The following HSDL2 variants were observed in gnomAD, a reference collection of about 807,000 sequenced individuals.
The protein encoded by HSDL2 is hydroxysteroid dehydrogenase like 2.
In HSDL2, 27 loss-of-function variants were observed where a neutral mutation model predicts 46.3. That is an observed-to-expected ratio of 0.58 (90% CI 0.43 to 0.80). The LOEUF (loss-of-function observed/expected upper bound fraction) is 0.80, where lower values mean the gene tolerates loss of function less well. HSDL2 is among the 30% of genes least tolerant of loss of function. The probability of loss-of-function intolerance (pLI) is 0.00; values close to 1 mark genes in which losing one functional copy is unlikely to be tolerated. For synonymous variants in HSDL2, 153 were observed against 163.6 expected (o/e 0.94, Z 0.50); for missense variants, 451 against 502.7 (o/e 0.90, Z 0.98).
intron 1 of HSDL2, among the ~76,000 whole-genome samples, chr9:112,382,771 CTG>C (rs1465383150): frequency 1.3e-5 from 2 of 152,160 alleles, no homozygotes; most frequent in Non-Finnish European, 2.9e-5. Flanking sequence ...TCTGAGGGCT[CTG>C]TGTATTTTAA....
chr9:112,389,798 C>T (rs1444982235), intron 1 of HSDL2, among the ~76,000 whole-genome samples: 2 of 152,148 alleles, frequency 1.3e-5, no homozygotes, highest in African/African-American at 4.8e-5. Flanking sequence ...GGCGTGGTGG[C>T]TTATGCCTGT....
At chr9:112,394,635 C>T (rs1239324077) in intron 1 of HSDL2, among the ~76,000 whole-genome samples, 1 of 152,106 alleles carries the variant, frequency 6.6e-6, no homozygotes, top group Non-Finnish European at 1.5e-5. Flanking sequence ...TCCTATTACT[C>T]CCCCTTTCAT....
At chr9:112,386,644 C>T (rs948924023) in intron 1 of HSDL2, among the ~76,000 whole-genome samples, 1 of 149,852 alleles carries the variant, frequency 6.7e-6, no homozygotes, top group Non-Finnish European at 1.5e-5. Context: ...ATTAACCAAG[C>T]GTGGTGATGC....
Position 112,405,657 on chromosome 9 carries a change from T to C in HSDL2, c.215T>C (p.Ile72Thr), listed in dbSNP as rs1409677708. Residue 72 changes from isoleucine (I) to threonine (T), a missense_variant, in exon 3 of 11, where the codon ATT becomes ACT. Ile to Thr is a moderately conservative substitution (Grantham distance 89). Transcript: ENST00000398805. The part of the protein sequence containing the change: ...EAVGGKALPC[I>T]VDVRDEQQIS... ...GTTGGAGGAAAGGCCTTGCCATGTA[T>C]TGTTGATGTGAGAGATGAACAGCAG... is the stretch of plus-strand genomic sequence containing the variant. 8.7e-6 allele frequency: 14 copies of C among 1,613,556 alleles called. No homozygotes were observed. Among genetic ancestry groups the C allele is most frequent in the Non-Finnish European group, 1.0e-5 (12 of 1,179,652 alleles).
At chr9:112,450,626 C>CAAAAAAAAA (rs56114018) in intron 8 of HSDL2, among the ~76,000 whole-genome samples, 1 of 120,702 alleles carries the variant, frequency 8.3e-6, no homozygotes, top group Non-Finnish European at 1.7e-5. Flanking sequence ...AAGACTGCCT[C>CAAAAAAAAA]AAAAAAAAAA....
chr9:112,439,000 T>C (rs1255596108), intron 7 of HSDL2, among the ~76,000 whole-genome samples: 2 of 152,170 alleles, frequency 1.3e-5, no homozygotes, highest in Non-Finnish European at 2.9e-5. Context: ...TAGTGGGTTA[T>C]GTATTTATTT....
In HSDL2 at chr9:112,403,983, G is replaced by T; in HGVS notation, c.18-12G>T. The T allele has an allele frequency of 6.2e-7, 1 of 1,611,956 alleles. No individual in the cohort carries two copies. Among genetic ancestry groups the T allele is most frequent in the Non-Finnish European group, 8.5e-7 (1 of 1,178,782 alleles). ...TGGGTCTTCTAATAAGGTCGTATTT[G>T]TTCTGTTGTAGGAGGCTGGCAGGAT... On this transcript the variant is annotated splice_polypyrimidine_tract_variant and intron_variant, in intron 1 of 10. Coordinates refer to ENST00000398805, the MANE Select transcript of HSDL2 (RefSeq NM_032303.5).
chr9:112,427,642 A>AT (rs1056770941), intron 6 of HSDL2, among the ~76,000 whole-genome samples: 2 of 151,796 alleles, frequency 1.3e-5, no homozygotes, highest in Admixed American at 1.3e-4. Flanking sequence ...AGTTACACTC[A>AT]TTTTTTTTCT....
intron 1 of HSDL2, among the ~76,000 whole-genome samples, chr9:112,399,802 C>T (rs567767014): frequency 6.6e-6 from 1 of 152,296 alleles, no homozygotes; most frequent in Non-Finnish European, 1.5e-5. Context: ...GTTGTCTTCC[C>T]TTGTTCCCTA....
intron 10 of HSDL2, among the ~76,000 whole-genome samples, chr9:112,466,735 T>G (rs1007629039): frequency 6.6e-6 from 1 of 152,212 alleles, no homozygotes; most frequent in African/African-American, 2.4e-5. Context: ...CAGTGTCATA[T>G]ATAAGAATCC....
intron 1 of HSDL2, among the ~76,000 whole-genome samples, chr9:112,389,297 T>G (rs1320169189): frequency 6.6e-6 from 1 of 152,132 alleles, no homozygotes; most frequent in African/African-American, 2.4e-5. Context: ...GCTGGGATTA[T>G]AGGCATGAGC....
intron 1 of HSDL2, among the ~76,000 whole-genome samples, chr9:112,391,179 AAT>A (rs1564102607): frequency 1.8e-5 from 2 of 109,416 alleles, no homozygotes; most frequent in Non-Finnish European, 4.2e-5. Context: ...CCATCTCAAA[AAT>A]AATAATAATA....
chr9:112,444,517 C>T (rs1053383670), intron 8 of HSDL2, among the ~76,000 whole-genome samples: 1 of 151,966 alleles, frequency 6.6e-6, no homozygotes, highest in Non-Finnish European at 1.5e-5. Context: ...GTGGGAGGAT[C>T]GCTTGAGCCC....
chr9:112,466,583 A>G (rs183925919), intron 10 of HSDL2, among the ~76,000 whole-genome samples: 1 of 151,318 alleles, frequency 6.6e-6, no homozygotes, highest in Non-Finnish European at 1.5e-5. Context: ...ATTTTCAGTT[A>G]GTTATGTTTC....
Position 112,470,458 on chromosome 9 carries a change from A to C in HSDL2, c.1171A>C (p.Met391Leu), listed in dbSNP as rs765038880. ...SGKLKPTMAF[M>L]SGKLKIKGNM... is the part of the protein sequence containing the mutation. ...GAAACTAAAACCAACAATGGCATTCATGTCAGGGAAATTGAAGATTAAAGG... is the reference window on the plus strand; with the variant it reads ...GAAACTAAAACCAACAATGGCATTCCTGTCAGGGAAATTGAAGATTAAAGG... Residue 391 changes from methionine (M) to leucine (L), a missense_variant, in exon 11 of 11, where the codon ATG (methionine) becomes CTG (leucine). Coordinates refer to ENST00000398805, the MANE Select transcript of HSDL2 (RefSeq NM_032303.5). 6.2e-7 allele frequency: 1 copy of C among 1,611,020 alleles called. No individual in the cohort carries two copies. The highest frequency in any genetic ancestry group is 1.1e-5 in the South Asian group (1 of 90,452).
At chr9:112,449,998 A>G (rs1053747410) in intron 8 of HSDL2, among the ~76,000 whole-genome samples, 5 of 152,072 alleles carry the variant, frequency 3.3e-5, no homozygotes, top group African/African-American at 1.2e-4. Flanking sequence ...TTGGGCTAAT[A>G]CTTTATTGTT....
chr9:112,443,639 A>G (rs1832690658), intron 8 of HSDL2, among the ~76,000 whole-genome samples: 1 of 152,224 alleles, frequency 6.6e-6, no homozygotes, highest in Non-Finnish European at 1.5e-5. Flanking sequence ...CTGAAGCAGG[A>G]GGATCCCTTG....
intron 6 of HSDL2, among the ~76,000 whole-genome samples, chr9:112,431,291 T>G (rs1832390707): frequency 6.6e-6 from 1 of 151,958 alleles, no homozygotes; most frequent in Non-Finnish European, 1.5e-5. Flanking sequence ...AATCTGTGGG[T>G]TATCAGCATA....
At chr9:112,428,408 AAG>A (rs1210435149) in intron 6 of HSDL2, among the ~76,000 whole-genome samples, 2 of 152,142 alleles carry the variant, frequency 1.3e-5, no homozygotes, top group African/African-American at 2.4e-5. Context: ...AGATTTTCTG[AAG>A]AGTGTTGTTT....
Sources: allele counts gnomAD v4.1 joint callset (sites outside exome capture counted in the v4.1 genomes callset), GRCh38; gene constraint gnomAD v4.1.1; transcripts MANE v1.5; gene names NCBI Gene and HGNC (gene_info 2026-07-23, HGNC 2026-07-21).